Variants in GPR137C observed in about 807,000 individuals in gnomAD.
GPR137C encodes the protein integral membrane protein GPR137C.
In GPR137C, 27 loss-of-function variants were observed where a neutral mutation model predicts 43.4. That is an observed-to-expected ratio of 0.62 (90% CI 0.46 to 0.86). The LOEUF (loss-of-function observed/expected upper bound fraction) is 0.86, where lower values mean the gene tolerates loss of function less well. Among genes scored for constraint, GPR137C ranks in the 40% least tolerant of loss-of-function variants. GPR137C has a pLI of 0.00. For missense variants in GPR137C, 522 were observed against 534.6 expected (o/e 0.98, Z 0.23); for synonymous variants, 285 against 226.9 (o/e 1.26, Z -2.30).
At position 52,628,625 on chromosome 14, in the gene GPR137C, G is replaced by A. The variant is rs762603485; in HGVS notation, c.718-3535G>A. ...AGCCTGGCCAACATGGTAAAACTCCGTCTCTACTAAAAATACAAAAATTTG... is the reference window on the plus strand; with the variant it reads ...AGCCTGGCCAACATGGTAAAACTCCATCTCTACTAAAAATACAAAAATTTG... On this transcript the variant is annotated intron_variant, in intron 3 of 6. Coordinates refer to ENST00000321662, the MANE Select transcript of GPR137C (RefSeq NM_001099652.2). 6.8e-4 allele frequency among the ~76,000 whole-genome samples: 104 copies of A among 151,974 alleles called. 1 individual carries two copies. Among genetic ancestry groups the A allele is most frequent in the Admixed American group, 1.6e-3 (25 of 15,250 alleles).
intron 1 of GPR137C, among the ~76,000 whole-genome samples, chr14:52,592,127 A>G (rs2038792352): frequency 6.6e-6 from 1 of 152,098 alleles, no homozygotes; most frequent in East Asian, 1.9e-4. Context: ...CAAAGATCAG[A>G]TGGTTGTAGA....
At chr14:52,598,376 T>G in intron 2 of GPR137C, 61 bp downstream of exon 2, 1 of 710,744 alleles carries the variant, frequency 1.4e-6, no homozygotes. Context: ...TTCATTAATA[T>G]TAAGGCTTAG....
intron 1 of GPR137C, among the ~76,000 whole-genome samples, chr14:52,564,681 TTTTTTGTGTGAGC>T (rs1449541269): frequency 6.6e-6 from 1 of 152,128 alleles, no homozygotes; most frequent in Non-Finnish European, 1.5e-5. Context: ...TTTGTGTGAC[TTTTTTGTGTGAGC>T]TTACTAGATT....
chr14:52,627,930 C>G (rs1223048258), intron 3 of GPR137C, among the ~76,000 whole-genome samples: 2 of 152,132 alleles, frequency 1.3e-5, no homozygotes, highest in African/African-American at 4.8e-5. Flanking sequence ...TTTAGCTGTA[C>G]CATTCAGTAT....
chr14:52,615,396 G>A (rs1389532546), intron 3 of GPR137C, among the ~76,000 whole-genome samples: 2 of 150,780 alleles, frequency 1.3e-5, no homozygotes, highest in East Asian at 1.9e-4. Flanking sequence ...ATGATTGCTC[G>A]AGTTTTGTTC....
chr14:52,571,860 AAAG>A (rs1458417899), intron 1 of GPR137C, among the ~76,000 whole-genome samples: 5 of 152,204 alleles, frequency 3.3e-5, no homozygotes, highest in Non-Finnish European at 5.9e-5. Context: ...CCAGACTAAT[AAAG>A]AAGAAAAGAA....
chr14:52,577,516 G>GCACACACACACACACACACACA (rs3064748), intron 1 of GPR137C, among the ~76,000 whole-genome samples: 5 of 145,408 alleles, frequency 3.4e-5, no homozygotes, highest in Non-Finnish European at 6.0e-5. Context: ...GCGCGCGCGC[G>GCACACACACACACACACACACA]CACACACACA....
intron 1 of GPR137C, among the ~76,000 whole-genome samples, chr14:52,584,376 G>A (rs965950324): frequency 1.2e-4 from 19 of 152,100 alleles, no homozygotes; most frequent in Admixed American, 1.2e-3. Flanking sequence ...TTTTGAAATG[G>A]TTACCCCTCG....
At chr14:52,620,974 T>C (rs950605855) in intron 3 of GPR137C, among the ~76,000 whole-genome samples, 2 of 151,656 alleles carry the variant, frequency 1.3e-5, no homozygotes, top group Non-Finnish European at 3.0e-5. Context: ...AGGAAGAACA[T>C]GAAGTTGGAA....
chr14:52,587,309 C>A (rs559313921), intron 1 of GPR137C, among the ~76,000 whole-genome samples: 1 of 152,176 alleles, frequency 6.6e-6, no homozygotes, highest in South Asian at 2.1e-4. Flanking sequence ...TTTCTCTCTC[C>A]CTGAGACACT....
chr14:52,609,656 C>T (rs2039017757), intron 3 of GPR137C, among the ~76,000 whole-genome samples: 1 of 152,172 alleles, frequency 6.6e-6, no homozygotes, highest in South Asian at 2.1e-4. Context: ...AGGCTTGCTC[C>T]ATGTCTTGTG....
At chr14:52,616,704 C>T (rs1489008307) in intron 3 of GPR137C, among the ~76,000 whole-genome samples, 1 of 152,090 alleles carries the variant, frequency 6.6e-6, no homozygotes, top group African/African-American at 2.4e-5. Flanking sequence ...ATTCCAGGTT[C>T]TTGTTAGAGA....
At chr14:52,615,333 A>G (rs144328019) in intron 3 of GPR137C, among the ~76,000 whole-genome samples, 1 of 152,282 alleles carries the variant, frequency 6.6e-6, no homozygotes, top group East Asian at 1.9e-4. Flanking sequence ...TTATGTCAGT[A>G]TCATGCTGTT....
chr14:52,594,246 A>G (rs1211748785), intron 1 of GPR137C, among the ~76,000 whole-genome samples: 1 of 152,168 alleles, frequency 6.6e-6, no homozygotes, highest in Non-Finnish European at 1.5e-5. Flanking sequence ...ACTTCCAATT[A>G]TGTGGTCAAT....
chr14:52,600,462 A>T, intron 3 of GPR137C, 121 bp downstream of exon 3: 1 of 619,152 alleles, frequency 1.6e-6, no homozygotes, highest in South Asian at 2.2e-5. Flanking sequence ...TTTATTTGAG[A>T]CAGGGTCTCG....
chr14:52,556,930 A>G (rs1226634763), intron 1 of GPR137C, among the ~76,000 whole-genome samples: 1 of 152,206 alleles, frequency 6.6e-6, no homozygotes. Context: ...AGGATAAAGT[A>G]CAGTGACTTA....
At chr14:52,570,407 G>A (rs962987040) in intron 1 of GPR137C, among the ~76,000 whole-genome samples, 2 of 152,154 alleles carry the variant, frequency 1.3e-5, no homozygotes, top group Non-Finnish European at 2.9e-5. Flanking sequence ...AGATTGTAAA[G>A]ACCATCGACC....
At chr14:52,582,480 A>T (rs1324696470) in intron 1 of GPR137C, among the ~76,000 whole-genome samples, 1 of 152,232 alleles carries the variant, frequency 6.6e-6, no homozygotes, top group African/African-American at 2.4e-5. Flanking sequence ...TAAAGGAGAC[A>T]TATAAGTCTG....
intron 1 of GPR137C, among the ~76,000 whole-genome samples, chr14:52,589,814 T>C (rs2038758787): frequency 6.6e-6 from 1 of 152,178 alleles, no homozygotes; most frequent in African/African-American, 2.4e-5. Context: ...TGTAACGTCA[T>C]AGCACAATGC....
Sources: allele counts gnomAD v4.1 joint callset (sites outside exome capture counted in the v4.1 genomes callset), GRCh38; gene constraint gnomAD v4.1.1; transcripts MANE v1.5; gene names NCBI Gene and HGNC (gene_info 2026-07-23, HGNC 2026-07-21).